CNTNAP5: variants seen among roughly 807,000 people sequenced by gnomAD.
The protein encoded by CNTNAP5 is contactin associated protein family member 5.
A neutral mutation model predicts 150.2 loss-of-function variants in CNTNAP5; 72 were observed. That is an observed-to-expected ratio of 0.48 (90% CI 0.40 to 0.58). CNTNAP5 has a LOEUF of 0.58. Ranked by LOEUF, CNTNAP5 falls within the 20% of genes least tolerant of loss-of-function variation. The pLI is 0.00. For synonymous variants in CNTNAP5, 672 were observed against 619.8 expected, an observed-to-expected ratio of 1.08 and a Z score of -1.25; for missense variants, 1,636 against 1,626.2, an observed-to-expected ratio of 1.01 and a Z score of -0.10.
At chr2:124,362,589 C>T (rs1021575674) in intron 3 of CNTNAP5, among the ~76,000 whole-genome samples, 1 of 152,170 alleles carries the variant, frequency 6.6e-6, no homozygotes, top group African/African-American at 2.4e-5. Context: ...GATGTCAGTA[C>T]ATAAAGTTAG....
intron 11 of CNTNAP5, among the ~76,000 whole-genome samples, chr2:124,571,527 CTTTT>C (rs1214169811): frequency 4.3e-5 from 2 of 46,850 alleles, no homozygotes; most frequent in East Asian, 4.9e-4. Flanking sequence ...TTTCTTTTTT[CTTTT>C]TTTTTTTTTT....
chr2:124,367,426 T>G (rs1305057093), intron 3 of CNTNAP5, among the ~76,000 whole-genome samples: 1 of 152,176 alleles, frequency 6.6e-6, no homozygotes, highest in Non-Finnish European at 1.5e-5. Context: ...TCAGATCTCA[T>G]GAGAACTCAC....
At chr2:124,641,648 C>T (rs755809206) in intron 12 of CNTNAP5, among the ~76,000 whole-genome samples, 1 of 152,096 alleles carries the variant, frequency 6.6e-6, no homozygotes, top group Non-Finnish European at 1.5e-5. Context: ...GCAGAAGTGA[C>T]CCTGGGGACC....
intron 3 of CNTNAP5, among the ~76,000 whole-genome samples, chr2:124,341,707 G>A (rs2104692475): frequency 6.6e-6 from 1 of 152,234 alleles, no homozygotes; most frequent in South Asian, 2.1e-4. Flanking sequence ...GATTCTGGAG[G>A]GCAGTCAGTT....
chr2:124,773,711 T>C (rs1010992997), intron 17 of CNTNAP5, among the ~76,000 whole-genome samples: 3 of 152,072 alleles, frequency 2.0e-5, no homozygotes, highest in African/African-American at 7.2e-5. Context: ...ATAGTGGGTA[T>C]TGAAAGATGA....
At chr2:124,553,326 A>T (rs1314638779) in intron 10 of CNTNAP5, among the ~76,000 whole-genome samples, 1 of 152,132 alleles carries the variant, frequency 6.6e-6, no homozygotes, top group Non-Finnish European at 1.5e-5. Context: ...CAACATGGCA[A>T]AACACAGTCT....
chr2:124,448,340 A>T (rs899061160), intron 6 of CNTNAP5, among the ~76,000 whole-genome samples: 2 of 151,816 alleles, frequency 1.3e-5, no homozygotes, highest in Non-Finnish European at 2.9e-5. Flanking sequence ...AAGCTAATAC[A>T]TTCATTGATT....
chr2:124,285,455 C>G (rs1022102269), intron 3 of CNTNAP5, among the ~76,000 whole-genome samples: 4 of 152,078 alleles, frequency 2.6e-5, no homozygotes, highest in African/African-American at 4.8e-5. Context: ...TGTTGGCTCT[C>G]ATCTCATCTA....
At chr2:124,404,464 G>T (rs1691516898) in intron 3 of CNTNAP5, among the ~76,000 whole-genome samples, 1 of 152,132 alleles carries the variant, frequency 6.6e-6, no homozygotes, top group African/African-American at 2.4e-5. Context: ...CACCAATCTT[G>T]CCTTAGCCTC....
intron 1 of CNTNAP5, among the ~76,000 whole-genome samples, chr2:124,179,889 G>A (rs1326182818): frequency 6.6e-6 from 1 of 152,056 alleles, no homozygotes; most frequent in African/African-American, 2.4e-5. Flanking sequence ...TCTGCTCCCC[G>A]AAGATAGAGC....
At chr2:124,690,346 T>C (rs1053570570) in intron 13 of CNTNAP5, among the ~76,000 whole-genome samples, 11 of 152,092 alleles carry the variant, frequency 7.2e-5, no homozygotes, top group African/African-American at 2.7e-4. Context: ...TAGTTTTTCC[T>C]CTAAACCAGT....
intron 19 of CNTNAP5, among the ~76,000 whole-genome samples, chr2:124,849,807 G>T (rs953928947): frequency 6.6e-6 from 1 of 152,182 alleles, no homozygotes. Flanking sequence ...GTCACAAATT[G>T]TATTTTAGTC....
At chr2:124,313,817 T>C (rs1558846231) in intron 3 of CNTNAP5, among the ~76,000 whole-genome samples, 1 of 152,156 alleles carries the variant, frequency 6.6e-6, no homozygotes, top group Non-Finnish European at 1.5e-5. Flanking sequence ...GTGCGAGGGA[T>C]ACCAGAAACC....
intron 21 of CNTNAP5, among the ~76,000 whole-genome samples, chr2:124,873,539 G>T (rs1324128197): frequency 1.3e-5 from 2 of 152,006 alleles, no homozygotes; most frequent in African/African-American, 4.8e-5. Flanking sequence ...TAACACTCTG[G>T]TCTATGAAAG....
chr2:124,362,616 T>G (rs11688892), intron 3 of CNTNAP5, among the ~76,000 whole-genome samples: 10,733 of 152,256 alleles, frequency 0.07, 481 homozygotes, highest in East Asian at 0.22. Context: ...AAAACTGTTA[T>G]TTATGGGGCT....
intron 12 of CNTNAP5, among the ~76,000 whole-genome samples, chr2:124,645,609 A>G (rs1337226768): frequency 1.3e-5 from 2 of 152,154 alleles, no homozygotes; most frequent in Non-Finnish European, 2.9e-5. Flanking sequence ...AACACTGGGG[A>G]CATGTGGGTT....
intron 1 of CNTNAP5, among the ~76,000 whole-genome samples, chr2:124,077,801 C>T (rs1682472904): frequency 6.6e-6 from 1 of 152,162 alleles, no homozygotes; most frequent in South Asian, 2.1e-4. Flanking sequence ...GTTTGTCATA[C>T]AACTTGACTT....
intron 14 of CNTNAP5, among the ~76,000 whole-genome samples, chr2:124,758,948 C>A (rs896605688): frequency 6.6e-6 from 1 of 152,078 alleles, no homozygotes; most frequent in African/African-American, 2.4e-5. Flanking sequence ...TATTTAATGT[C>A]GAGCTTATTC....
At chr2:124,623,356 T>A (rs1333683524) in intron 12 of CNTNAP5, among the ~76,000 whole-genome samples, 1 of 152,154 alleles carries the variant, frequency 6.6e-6, no homozygotes, top group Admixed American at 6.5e-5. Flanking sequence ...CCTGAATAAA[T>A]TCCCATCTCC....
Sources: gnomAD v4.1 joint callset for allele counts (sites outside exome capture counted in the v4.1 genomes callset) on GRCh38, gnomAD v4.1.1 for gene constraint, MANE v1.5 for transcripts, NCBI Gene and HGNC (gene_info 2026-07-23, HGNC 2026-07-21) for gene names.